The following GLI2 variants were observed in gnomAD, a reference collection of about 807,000 sequenced individuals.
GLI2 encodes the protein GLI family zinc finger 2.
In GLI2, 22 loss-of-function variants were observed where a neutral mutation model predicts 78.9. That is an observed-to-expected ratio of 0.28 (90% CI 0.20 to 0.40). The LOEUF is 0.40. Among genes scored for constraint, GLI2 ranks in the 10% least tolerant of loss-of-function variants. GLI2 has a pLI of 1.00. For missense variants in GLI2, 2,097 were observed against 2,213.2 expected, an observed-to-expected ratio of 0.95 and a Z score of 1.05; for synonymous variants, 974 against 963.7, an observed-to-expected ratio of 1.01 and a Z score of -0.20.
intron 2 of GLI2, among the ~76,000 whole-genome samples, chr2:120,890,455 A>G (rs1372987888): frequency 6.6e-6 from 1 of 152,122 alleles, no homozygotes; most frequent in Non-Finnish European, 1.5e-5. Flanking sequence ...ATATATATAT[A>G]TATATACACA....
intron 1 of GLI2, among the ~76,000 whole-genome samples, chr2:120,761,280 C>T (rs1360211443): frequency 6.6e-6 from 1 of 152,078 alleles, no homozygotes; most frequent in African/African-American, 2.4e-5. Flanking sequence ...CATGAGTGGA[C>T]CTGAGTGGAG....
Position 120,990,596 on chromosome 2 carries a change from G to C in GLI2, c.4631G>C (p.Ser1544Thr). Reference protein sequence around the residue: ...LTLPSIPAGISNMAVGDMSSM... With the variant: ...LTLPSIPAGITNMAVGDMSSM... Reference sequence around the variant, plus strand: ...CTGCCCTCCATCCCCGCAGGCATCAGCAACATGGCTGTCGGGGACATGAGC... The same window carrying C: ...CTGCCCTCCATCCCCGCAGGCATCACCAACATGGCTGTCGGGGACATGAGC... Residue 1544 changes from serine to threonine, a missense_variant, in exon 14 of 14, where the codon AGC (serine) becomes ACC (threonine). This residue lies in a region of GLI2 where 1,290 missense variants were observed against 1,261.7 expected (regional missense o/e 1.02). Transcript: ENST00000361492. 6.2e-7 allele frequency: 1 copy of C among 1,613,840 alleles called. No homozygotes were observed. Among genetic ancestry groups the C allele is most frequent in the South Asian group, 1.1e-5 (1 of 91,066 alleles).
chr2:120,988,227 C>A lies in GLI2; in HGVS notation c.2262C>A (p.Phe754Leu), dbSNP rs1416979318. Reference sequence around the variant, plus strand: ...CCGCAGGCTCCATCCTGGAAAACTTCAGTGGCAGTGGGGGCGGCGGGCCCG... The same window carrying A: ...CCGCAGGCTCCATCCTGGAAAACTTAAGTGGCAGTGGGGGCGGCGGGCCCG... ...LPGSGSILEN[F>L]SGSGGGGPAG... The change falls in exon 14 of 14, where the codon TTC becomes TTA. Residue 754 changes from phenylalanine to leucine, a missense_variant. By Grantham distance (22) the Phe-to-Leu change is conservative (BLOSUM62 0). Around this residue, in one of 5 missense-constraint regions of GLI2, gnomAD observed 1,290 missense variants for 1,261.7 expected, o/e 1.02. Coordinates refer to ENST00000361492, the MANE Select transcript of GLI2 (RefSeq NM_001374353.1). 5 of 1,591,060 alleles carry A rather than the reference C, an allele frequency of 3.1e-6. No homozygotes were observed. The highest frequency in any genetic ancestry group is 1.1e-5 in the South Asian group (1 of 88,620).
chr2:120,820,730 C>T (rs1257202432), intron 2 of GLI2, among the ~76,000 whole-genome samples: 1 of 152,254 alleles, frequency 6.6e-6, no homozygotes, highest in East Asian at 1.9e-4. Flanking sequence ...AGAGTGAGCG[C>T]TGGAGAGGGT....
intron 5 of GLI2, among the ~76,000 whole-genome samples, chr2:120,966,203 A>T (rs12613169): frequency 0.84 from 127,272 of 151,976 alleles, 57,184 homozygotes; most frequent in East Asian, 1. Context: ...CACTCTGGAG[A>T]GCCCAGGCCA....
At chr2:120,757,617 G>A (rs934387577) in intron 1 of GLI2, among the ~76,000 whole-genome samples, 8 of 152,178 alleles carry the variant, frequency 5.3e-5, no homozygotes, top group African/African-American at 1.9e-4. Flanking sequence ...ATGCTCCAGG[G>A]GGACCCTCTG....
At chr2:120,895,758 A>G (rs541800696) in intron 2 of GLI2, among the ~76,000 whole-genome samples, 1 of 152,306 alleles carries the variant, frequency 6.6e-6, no homozygotes, top group East Asian at 1.9e-4. Context: ...CTTCTCAGTA[A>G]GTTTCCCTGG....
At chr2:120,867,413 G>T (rs761421241) in intron 2 of GLI2, 8 of 152,286 alleles carry the variant, frequency 5.3e-5, no homozygotes, top group Admixed American at 2.6e-4. Flanking sequence ...CCTAAACCCT[G>T]GCCGCCGCCG....
intron 2 of GLI2, among the ~76,000 whole-genome samples, chr2:120,806,727 C>G (rs973399918): frequency 6.6e-6 from 1 of 152,180 alleles, no homozygotes. Flanking sequence ...GGGTGCAGGC[C>G]GAGGTCCCGG....
chr2:120,813,248 G>A (rs902068330), intron 2 of GLI2, among the ~76,000 whole-genome samples: 4 of 152,222 alleles, frequency 2.6e-5, no homozygotes, highest in Admixed American at 2.6e-4. Context: ...AAAATAACCA[G>A]AGAAAATGTT....
intron 1 of GLI2, among the ~76,000 whole-genome samples, chr2:120,783,697 G>A (rs939149011): frequency 6.6e-6 from 1 of 152,088 alleles, no homozygotes; most frequent in Non-Finnish European, 1.5e-5. Flanking sequence ...GGGACAGCTG[G>A]CAGCACAGAG....
At chr2:120,784,847 A>C (rs1683949038) in intron 1 of GLI2, among the ~76,000 whole-genome samples, 2 of 152,124 alleles carry the variant, frequency 1.3e-5, no homozygotes, top group African/African-American at 2.4e-5. Flanking sequence ...CCCTGCTAGG[A>C]GGCTTATTCT....
intron 1 of GLI2, among the ~76,000 whole-genome samples, chr2:120,783,499 G>A (rs11685179): frequency 0.055 from 8,318 of 151,984 alleles, 356 homozygotes; most frequent in Admixed American, 0.11. Context: ...AAGGCCACGG[G>A]AACAAAAGAG....
In GLI2 at chr2:120,986,382, GC is replaced by G. The variant is rs876661325; in HGVS notation, c.2013del (p.Ser673AlafsTer5). The G allele has an allele frequency of 6.2e-7, 1 of 1,613,498 alleles. No homozygotes were observed. The highest frequency in any genetic ancestry group is 1.3e-5 in the African/African-American group (1 of 74,954). Reference protein sequence around the residue: ...DSGVEMPGTGPGSLGDLTALD... With the variant: ...DSGVEMPGTGXGSLGDLTALD... ...GTGGCGTGGAGATGCCGGGGACGGG[GC>G]CCGGGAGCCTGGGAGACCTGACGGC... On this transcript the variant is annotated frameshift_variant, in exon 13 of 14. Transcript: ENST00000361492. LOFTEE classifies it high-confidence loss of function.
intron 6 of GLI2, among the ~76,000 whole-genome samples, chr2:120,969,942 G>A (rs1682053206): frequency 6.6e-6 from 1 of 152,220 alleles, no homozygotes. Context: ...CAAGTGGTGT[G>A]ACAGAGCCTA....
chr2:120,837,790 CAT>C (rs1180884059), intron 2 of GLI2, among the ~76,000 whole-genome samples: 1 of 152,180 alleles, frequency 6.6e-6, no homozygotes, highest in African/African-American at 2.4e-5. Flanking sequence ...AAAACTGTCA[CAT>C]GTCAATTTTC....
At chr2:120,939,758 G>A (rs1435081542) in intron 3 of GLI2, among the ~76,000 whole-genome samples, 7 of 152,146 alleles carry the variant, frequency 4.6e-5, no homozygotes, top group East Asian at 3.8e-4. Flanking sequence ...CCCCAAGTGC[G>A]GGGTTATTTA....
chr2:120,816,010 C>G (rs1685477611), intron 2 of GLI2, among the ~76,000 whole-genome samples: 1 of 152,136 alleles, frequency 6.6e-6, no homozygotes, highest in Admixed American at 6.5e-5. Flanking sequence ...TGACCCTCCC[C>G]CTTGGAACTA....
intron 2 of GLI2, among the ~76,000 whole-genome samples, chr2:120,832,495 C>T (rs948233048): frequency 8.6e-5 from 13 of 151,980 alleles, no homozygotes; most frequent in African/African-American, 2.9e-4. Flanking sequence ...CCCTGTGTGG[C>T]GGAGAACTCT....
Sources: gnomAD v4.1 joint callset for allele counts (sites outside exome capture counted in the v4.1 genomes callset) on GRCh38, gnomAD v4.1.1 for gene constraint, gnomAD v4.1.1 regional missense constraint, MANE v1.5 for transcripts, NCBI Gene and HGNC (gene_info 2026-07-23, HGNC 2026-07-21) for gene names.